EEFSEC: variants seen among roughly 807,000 people sequenced by gnomAD.
EEFSEC encodes selenocysteine-specific elongation factor.
In EEFSEC, 43 loss-of-function variants were observed where a neutral mutation model predicts 42.1. The ratio of observed to expected loss-of-function variants is 1.02; its 90% CI spans 0.80 to 1.32. The LOEUF (loss-of-function observed/expected upper bound fraction) is 1.32, where lower values mean the gene tolerates loss of function less well. EEFSEC is among the 40% of genes most tolerant of loss of function. EEFSEC has a pLI of 0.00. For missense variants in EEFSEC, 745 were observed against 803.6 expected (o/e 0.93, Z 0.88); for synonymous variants, 354 against 339.1 (o/e 1.04, Z -0.48).
At chr3:128,211,166 A>G (rs1338257029) in intron 1 of EEFSEC, among the ~76,000 whole-genome samples, 1 of 152,214 alleles carries the variant, frequency 6.6e-6, no homozygotes, top group Non-Finnish European at 1.5e-5. Flanking sequence ...AAGGTATACT[A>G]TATGCTTAAA....
At chr3:128,422,788 C>G in the EEFSEC span, among the ~76,000 whole-genome samples, 1 of 152,216 alleles carries the variant, frequency 6.6e-6, no homozygotes, top group African/African-American at 2.4e-5. Context: ...CCCAGATGTC[C>G]CTGCCTACCC....
chr3:128,364,520 G>C (rs1459677192), intron 6 of EEFSEC, among the ~76,000 whole-genome samples: 1 of 152,220 alleles, frequency 6.6e-6, no homozygotes, highest in Non-Finnish European at 1.5e-5. Context: ...TCAGGAAAAG[G>C]CCAGGACAGT....
intron 6 of EEFSEC, among the ~76,000 whole-genome samples, chr3:128,404,141 A>T (rs1294130481): frequency 1.3e-5 from 2 of 152,168 alleles, no homozygotes; most frequent in Non-Finnish European, 2.9e-5. Flanking sequence ...TGTTTGCCAC[A>T]TGGCTAAGAA....
chr3:128,318,405 C>A (rs73861040), intron 4 of EEFSEC, among the ~76,000 whole-genome samples: 1,746 of 152,276 alleles, frequency 0.011, 27 homozygotes, highest in African/African-American at 0.037. Context: ...GGACAGATGT[C>A]CTGGTCTGCC....
chr3:128,405,973 G>T (rs2068104930), intron 6 of EEFSEC, among the ~76,000 whole-genome samples: 1 of 152,252 alleles, frequency 6.6e-6, no homozygotes, highest in African/African-American at 2.4e-5. Flanking sequence ...GCCCCTAGCA[G>T]CAGTCTCAGG....
chr3:128,365,475 G>T (rs974302990), intron 6 of EEFSEC, among the ~76,000 whole-genome samples: 1 of 152,202 alleles, frequency 6.6e-6, no homozygotes, highest in Admixed American at 6.5e-5. Context: ...TTCCAGGAAG[G>T]CTGAAAATTT....
At chr3:128,411,980 G>A (rs1413830717), downstream of EEFSEC, among the ~76,000 whole-genome samples, 1 of 152,246 alleles carries the variant, frequency 6.6e-6, no homozygotes, top group African/African-American at 2.4e-5. Flanking sequence ...GTCTGCATGT[G>A]CTCCGTGTGT....
chr3:128,341,958 A>G (rs2067260848), intron 5 of EEFSEC, 69 bp downstream of exon 5: 1 of 1,545,376 alleles, frequency 6.5e-7, no homozygotes, highest in Admixed American at 1.9e-5. Flanking sequence ...CCATGGCCTG[A>G]CATCTGTGAT....
chr3:128,270,179 A>G (rs1317095824), intron 4 of EEFSEC, among the ~76,000 whole-genome samples: 1 of 152,208 alleles, frequency 6.6e-6, no homozygotes, highest in Non-Finnish European at 1.5e-5. Flanking sequence ...AGGAGATACA[A>G]GCTTTAGCTG....
intron 1 of EEFSEC, among the ~76,000 whole-genome samples, chr3:128,199,278 T>G (rs1283180410): frequency 1.3e-5 from 2 of 152,246 alleles, no homozygotes; most frequent in Non-Finnish European, 2.9e-5. Context: ...AAGAGCCTCC[T>G]CACCCCTTTA....
chr3:128,316,286 T>A (rs1001373705), intron 4 of EEFSEC, among the ~76,000 whole-genome samples: 1 of 152,230 alleles, frequency 6.6e-6, no homozygotes, highest in African/African-American at 2.4e-5. Context: ...CTTTCACCCT[T>A]TTTTAATGCA....
chr3:128,225,653 G>A (rs575260521), intron 1 of EEFSEC, among the ~76,000 whole-genome samples: 1 of 152,340 alleles, frequency 6.6e-6, no homozygotes, highest in African/African-American at 2.4e-5. Context: ...CCAGGGAGGA[G>A]GACAGAGCAC....
chr3:128,184,454 G>A (rs372102572), intron 1 of EEFSEC, among the ~76,000 whole-genome samples: 18 of 152,212 alleles, frequency 1.2e-4, no homozygotes, highest in African/African-American at 3.6e-4. Context: ...TATTTCACTC[G>A]GCATAATGTT....
intron 4 of EEFSEC, among the ~76,000 whole-genome samples, chr3:128,308,960 T>C (rs2066861361): frequency 6.6e-6 from 1 of 152,246 alleles, no homozygotes; most frequent in South Asian, 2.1e-4. Flanking sequence ...TTTTGTTTTG[T>C]GTTTTGTTCT....
rs144286017 is a variant in EEFSEC at position 128,325,498 on chromosome 3, C to T, written c.787-15735C>T. ...TCAGGTGCCCTGTAGAAGGCCTGTT[C>T]TGCAGCAGGCTCTCCGGGAAGATGT... On this transcript the variant is annotated intron_variant, in intron 4 of 6. Transcript: ENST00000254730. 1.8e-3 allele frequency among the ~76,000 whole-genome samples: 269 copies of T among 152,328 alleles called. 1 individual carries two copies. The highest frequency in any genetic ancestry group is 6.0e-3 in the African/African-American group (248 of 41,576).
the EEFSEC span, among the ~76,000 whole-genome samples, chr3:128,424,751 C>T: frequency 3.3e-5 from 5 of 152,206 alleles, 1 homozygote; most frequent in South Asian, 1.0e-3. Context: ...ATACAGTGAA[C>T]CCCATGTGTC....
intron 1 of EEFSEC, among the ~76,000 whole-genome samples, chr3:128,154,921 G>T (rs184869657): frequency 1.9e-3 from 283 of 152,212 alleles, no homozygotes; most frequent in Non-Finnish European, 3.2e-3. Context: ...GTTTTCGGTC[G>T]TGGTGGGTAC....
intron 4 of EEFSEC, among the ~76,000 whole-genome samples, chr3:128,310,615 C>A (rs755500619): frequency 6.6e-6 from 1 of 152,230 alleles, no homozygotes; most frequent in Non-Finnish European, 1.5e-5. Context: ...TACAGATAGA[C>A]TGTATCATGA....
intron 1 of EEFSEC, among the ~76,000 whole-genome samples, chr3:128,164,153 A>G (rs1044334462): frequency 3.3e-5 from 5 of 152,004 alleles, no homozygotes; most frequent in African/African-American, 9.7e-5. Context: ...GTGGGAAAGG[A>G]CCACATGGAG....
Sources: gnomAD v4.1 joint callset for allele counts (sites outside exome capture counted in the v4.1 genomes callset) on GRCh38, gnomAD v4.1.1 for gene constraint, MANE v1.5 for transcripts, NCBI Gene and HGNC (gene_info 2026-07-23, HGNC 2026-07-21) for gene names.